The following ANO10 variants were observed in gnomAD, a reference collection of about 807,000 sequenced individuals.
ANO10 encodes the protein anoctamin 10.
Under a neutral mutation model 74.7 loss-of-function variants are expected in ANO10, and 77 were observed. The observed-to-expected ratio is 1.03, with a 90% confidence interval of 0.86 to 1.25. The LOEUF is 1.25. ANO10 is among the 50% of genes most tolerant of loss of function. The pLI is 0.00. For synonymous variants in ANO10, 279 were observed against 284.9 expected, an observed-to-expected ratio of 0.98 and a Z score of 0.21; for missense variants, 721 against 778.1, an observed-to-expected ratio of 0.93 and a Z score of 0.87.
At chr3:43,538,903 T>C (rs931397527) in intron 11 of ANO10, among the ~76,000 whole-genome samples, 1 of 152,218 alleles carries the variant, frequency 6.6e-6, no homozygotes, top group African/African-American at 2.4e-5. Context: ...CCACAATCTA[T>C]TCATTTTTAG....
At chr3:43,676,746 C>T (rs2084127536) in intron 1 of ANO10, among the ~76,000 whole-genome samples, 1 of 152,096 alleles carries the variant, frequency 6.6e-6, no homozygotes, top group South Asian at 2.1e-4. Context: ...CTGTATTATT[C>T]TTACAACTGC....
intron 11 of ANO10, among the ~76,000 whole-genome samples, chr3:43,542,680 G>A (rs1307933047): frequency 6.6e-6 from 1 of 152,144 alleles, no homozygotes; most frequent in Non-Finnish European, 1.5e-5. Context: ...TTCTAATTCA[G>A]TTACCACCAG....
chr3:43,410,277 G>C (rs1233532623), intron 12 of ANO10, among the ~76,000 whole-genome samples: 1 of 152,004 alleles, frequency 6.6e-6, no homozygotes, highest in African/African-American at 2.4e-5. Context: ...TAGAGACAGA[G>C]TCTCTCTGTC....
At chr3:43,585,970 T>C (rs1442791881) in intron 4 of ANO10, among the ~76,000 whole-genome samples, 1 of 152,080 alleles carries the variant, frequency 6.6e-6, no homozygotes, top group African/African-American at 2.4e-5. Flanking sequence ...GATGCAAGTA[T>C]GAAAAAACAA....
chr3:43,543,080 G>T (rs900128188), intron 11 of ANO10, among the ~76,000 whole-genome samples: 6 of 152,198 alleles, frequency 3.9e-5, no homozygotes, highest in Non-Finnish European at 8.8e-5. Flanking sequence ...TATAGGGATA[G>T]AATCCACATT....
intron 11 of ANO10, among the ~76,000 whole-genome samples, chr3:43,513,664 C>T (rs536604632): frequency 4.6e-5 from 7 of 152,282 alleles, no homozygotes; most frequent in African/African-American, 1.7e-4. Context: ...GCGCCTGCCA[C>T]CACGCCCAGC....
At chr3:43,631,128 T>C (rs940059971) in intron 1 of ANO10, among the ~76,000 whole-genome samples, 2 of 152,240 alleles carry the variant, frequency 1.3e-5, no homozygotes, top group South Asian at 4.1e-4. Flanking sequence ...CCATGTTTAC[T>C]GGCAGACTGC....
intron 1 of ANO10, among the ~76,000 whole-genome samples, chr3:43,683,593 T>C (rs1416374924): frequency 6.6e-6 from 1 of 152,156 alleles, no homozygotes; most frequent in Non-Finnish European, 1.5e-5. Context: ...AAAGTTCATA[T>C]GGAACCAAAA....
intron 1 of ANO10, among the ~76,000 whole-genome samples, chr3:43,684,087 A>G (rs1224549943): frequency 6.6e-6 from 1 of 152,232 alleles, no homozygotes; most frequent in Non-Finnish European, 1.5e-5. Context: ...AATGGGATCT[A>G]GTTAAACTAA....
chr3:43,374,633 C>T (rs1275362116), intron 12 of ANO10, among the ~76,000 whole-genome samples: 1 of 152,226 alleles, frequency 6.6e-6, no homozygotes, highest in Non-Finnish European at 1.5e-5. Context: ...CTGGATCACA[C>T]TTCTAATCCA....
In ANO10 at chr3:43,469,038, C is replaced by CTTTT. The variant is rs371985258; in HGVS notation, c.1798-36315_1798-36312dup. ...TTTTCAATCCTACATCAATTAGCTGCTTTTTTTTTTTTTTTTTTTTTTGAG... is the reference window on the plus strand; with the variant it reads ...TTTTCAATCCTACATCAATTAGCTGCTTTTTTTTTTTTTTTTTTTTTTTTTTGAG... On this transcript the variant is annotated intron_variant, in intron 11 of 12. Transcript: ENST00000292246. Among the ~76,000 whole-genome samples, 218 of 70,348 alleles carry CTTTT rather than the reference C, an allele frequency of 3.1e-3. 1 individual carries two copies. The highest frequency in any genetic ancestry group is 4.2e-3 in the Non-Finnish European group (172 of 40,904). The allele number at this position is 70,348 out of a possible 152,430, so 46.2% of individuals were successfully genotyped here.
chr3:43,417,724 T>C (rs181225037), intron 12 of ANO10, among the ~76,000 whole-genome samples: 1 of 152,312 alleles, frequency 6.6e-6, no homozygotes, highest in Admixed American at 6.5e-5. Flanking sequence ...GACAGGTCTA[T>C]TCTTATAGGC....
At position 43,646,854 on chromosome 3, in the gene ANO10, C is replaced by T. The variant is rs909775674; in HGVS notation, c.-11-40991G>A. 2.6e-5 allele frequency among the ~76,000 whole-genome samples: 4 copies of T among 152,196 alleles called. No individual in the cohort carries two copies. In the East Asian group the frequency reaches 5.8e-4, roughly 22 times the overall value. On this transcript the variant is annotated intron_variant, in intron 1 of 3. Coordinates refer to the ANO10 transcript ENST00000413397. ...CTCATATGACTGTTTACTTCTAGTT[C>T]GGTTCTAAAATGAGAAATTTGTGCT... is the stretch of plus-strand genomic sequence containing the variant.
chr3:43,456,878 G>A (rs1284100419), intron 11 of ANO10, among the ~76,000 whole-genome samples: 1 of 152,166 alleles, frequency 6.6e-6, no homozygotes, highest in Non-Finnish European at 1.5e-5. Flanking sequence ...AACACAGTAA[G>A]TACGGATTTT....
chr3:43,521,997 G>C (rs1469436236), intron 11 of ANO10, among the ~76,000 whole-genome samples: 1 of 152,136 alleles, frequency 6.6e-6, no homozygotes, highest in Non-Finnish European at 1.5e-5. Context: ...ACTATAACAT[G>C]GGTAAGACTT....
intron 7 of ANO10, among the ~76,000 whole-genome samples, chr3:43,572,953 G>A (rs1045050468): frequency 2.0e-5 from 3 of 151,446 alleles, no homozygotes; most frequent in African/African-American, 7.3e-5. Flanking sequence ...GGAAGAGAGA[G>A]GCCTAAGAAG....
At chr3:43,400,198 A>C (rs2148867586) in intron 12 of ANO10, among the ~76,000 whole-genome samples, 2 of 151,910 alleles carry the variant, frequency 1.3e-5, no homozygotes, top group Admixed American at 1.3e-4. Flanking sequence ...TTTTGTTTAA[A>C]TATGGTTTTT....
chr3:43,464,471 G>A (rs2372435), intron 11 of ANO10, among the ~76,000 whole-genome samples: 21,018 of 152,090 alleles, frequency 0.14, 1,795 homozygotes, highest in African/African-American at 0.23. Context: ...CTTGAACTCA[G>A]GAGTTTGAGA....
chr3:43,610,052 AAC>A (rs1295516241), intron 1 of ANO10, among the ~76,000 whole-genome samples: 1 of 152,194 alleles, frequency 6.6e-6, no homozygotes, highest in Non-Finnish European at 1.5e-5. Flanking sequence ...CTTCTGTAAT[AAC>A]ACAGTAAGAT....
Sources: allele counts gnomAD v4.1 joint callset (sites outside exome capture counted in the v4.1 genomes callset), GRCh38; gene constraint gnomAD v4.1.1; transcripts MANE v1.5; gene names NCBI Gene and HGNC (gene_info 2026-07-23, HGNC 2026-07-21).